Variants in SMAD2 observed in about 807,000 individuals in gnomAD.
SMAD2 encodes MAD homolog 2.
A neutral mutation model predicts 64.4 loss-of-function variants in SMAD2; 8 were observed. The ratio of observed to expected loss-of-function variants is 0.12; its 90% confidence interval spans 0.07 to 0.22. The LOEUF (loss-of-function observed/expected upper bound fraction) is 0.22, where lower values mean the gene tolerates loss of function less well. SMAD2 is among the 10% of genes least tolerant of loss of function. The pLI is 1.00. For synonymous variants in SMAD2, 203 were observed against 195.8 expected (o/e 1.04, Z -0.31); for missense variants, 289 against 561.2 (o/e 0.51, Z 4.90).
At chr18:47,890,646 T>G (rs745833935) in intron 2 of SMAD2, among the ~76,000 whole-genome samples, 2 of 152,234 alleles carry the variant, frequency 1.3e-5, no homozygotes, top group Non-Finnish European at 2.9e-5. Context: ...TACAGTCATA[T>G]TCCCTAGGAT....
chr18:47,836,059 T>G lies in SMAD2; in HGVS notation c.*5768A>C, dbSNP rs1029127043. ...ATGGATCTCATGGCACCAAACCAAC[T>G]GGCACTGAAGTTAAGTTAATATACT... On this transcript the variant is annotated 3_prime_UTR_variant, in exon 11 of 11. Transcript: ENST00000262160. The G allele has an allele frequency of 3.7e-5, 8 of 214,972 alleles. No homozygotes were observed. The highest frequency in any genetic ancestry group is 5.6e-5 in the Non-Finnish European group (6 of 106,564). 13.3% of individuals were successfully genotyped at this position (214,972 alleles called of 1,614,324 possible).
In SMAD2 at chr18:47,833,276, T is replaced by C. The variant is rs79264936; in HGVS notation, c.*8551A>G. On this transcript the variant is annotated 3_prime_UTR_variant, in exon 11 of 11. Transcript: ENST00000262160. Reference sequence around the variant, plus strand: ...AAATCACAGGACATGTAAGCAATGTTTTCTTAAGCAGAACTTTTTTTGTAC... The same window carrying C: ...AAATCACAGGACATGTAAGCAATGTCTTCTTAAGCAGAACTTTTTTTGTAC... 262 of 216,558 alleles carry C rather than the reference T, an allele frequency of 1.2e-3. No homozygotes were observed. The highest frequency in any genetic ancestry group is 5.7e-3 in the African/African-American group (254 of 44,534). 13.4% of individuals were successfully genotyped at this position (216,558 alleles called of 1,614,324 possible). A position where few individuals can be genotyped will look rare whatever the true frequency, so the allele number is the denominator to read the frequency against.
chr18:47,885,378 G>A (rs1462347195), intron 2 of SMAD2, among the ~76,000 whole-genome samples: 1 of 152,072 alleles, frequency 6.6e-6, no homozygotes, highest in African/African-American at 2.4e-5. Context: ...ATGTTGGCCA[G>A]GCTGGTCTCG....
intron 7 of SMAD2, among the ~76,000 whole-genome samples, chr18:47,850,450 A>ATT (rs1915204495): frequency 4.2e-5 from 1 of 23,538 alleles, no homozygotes; most frequent in African/African-American, 1.8e-4. Flanking sequence ...TATAATATAT[A>ATT]TTATATATTA....
rs1044632559 is a variant in SMAD2, at chr18:47,906,623, C to A, written c.-53-9814G>T. 2.6e-5 allele frequency among the ~76,000 whole-genome samples: 4 copies of A among 152,210 alleles called. No homozygotes were observed. In the East Asian group the frequency reaches 7.7e-4, roughly 29 times the overall value. Reference sequence around the variant, plus strand: ...TACTACTGCTGCTGTAACAAATAATCGCAATCACAGCACAAATTTAGCAAA... The same window carrying A: ...TACTACTGCTGCTGTAACAAATAATAGCAATCACAGCACAAATTTAGCAAA... On this transcript the variant is annotated intron_variant, in intron 1 of 10. Transcript: ENST00000262160.
intron 6 of SMAD2, among the ~76,000 whole-genome samples, chr18:47,856,676 C>A (rs1474578145): frequency 6.6e-6 from 1 of 152,114 alleles, no homozygotes; most frequent in African/African-American, 2.4e-5. Context: ...AGAACAGGAA[C>A]TCTAGAATCT....
chr18:47,896,016 C>T (rs968568667), intron 2 of SMAD2, among the ~76,000 whole-genome samples: 1 of 152,210 alleles, frequency 6.6e-6, no homozygotes, highest in African/African-American at 2.4e-5. Context: ...TCCTCCTAAC[C>T]TAAGAGGCAG....
At chr18:47,914,001 G>T (rs1352515272) in intron 1 of SMAD2, among the ~76,000 whole-genome samples, 1 of 152,160 alleles carries the variant, frequency 6.6e-6, no homozygotes, top group Non-Finnish European at 1.5e-5. Flanking sequence ...TTACTCACCG[G>T]AAAGTTTCAA....
chr18:47,844,637 T>A (rs566666273), intron 10 of SMAD2, among the ~76,000 whole-genome samples: 1 of 152,336 alleles, frequency 6.6e-6, no homozygotes, highest in South Asian at 2.1e-4. Flanking sequence ...CCACTTATAA[T>A]GTAACCTTGG....
Position 47,810,091 on chromosome 18 carries a change from G to C in SMAD2, c.*31736C>G, listed in dbSNP as rs1912153850. ...GCCATCCTGCCTGCCTAGACGAGCT[G>C]ATCTGAGTACAATCACAGAGGAGCA... On this transcript the variant is annotated 3_prime_UTR_variant, in exon 11 of 11. Transcript: ENST00000262160. 1 of 152,176 alleles carries C rather than the reference G, an allele frequency of 6.6e-6. No homozygotes were observed. The highest frequency in any genetic ancestry group is 1.5e-5 in the Non-Finnish European group (1 of 68,050). 9.4% of individuals were successfully genotyped at this position (152,176 alleles called of 1,614,324 possible).
In SMAD2 at chr18:47,829,715, A is replaced by G. The variant is rs182093506; in HGVS notation, c.*12112T>C. 6.6e-6 allele frequency: 1 copy of G among 152,340 alleles called. No homozygotes were observed. Among genetic ancestry groups the G allele is most frequent in the East Asian group, 1.9e-4 (1 of 5,196 alleles). The allele number at this position is 152,340 out of a possible 1,614,324, so 9.4% of individuals were successfully genotyped here. ...GCAAATAAAAACTGCACCGTATGAC[A>G]TGTCACATAGAAATTGTTAGAGACT... On this transcript the variant is annotated 3_prime_UTR_variant, in exon 11 of 11. Transcript: ENST00000262160.
rs1193958318 is a variant in SMAD2, at chr18:47,821,752, TGTTTAA to T, written c.*20069_*20074del. Reference sequence around the variant, plus strand: ...TATGTTCTATCAAGATAAATTCTTGTGTTTAAGTTTTTTTTTTGCTTGGGAAAAATG... The same window carrying T: ...TATGTTCTATCAAGATAAATTCTTGTGTTTTTTTTTTGCTTGGGAAAAATG... On this transcript the variant is annotated 3_prime_UTR_variant, in exon 11 of 11. Coordinates refer to ENST00000262160, the MANE Select transcript of SMAD2 (RefSeq NM_005901.6). The T allele has an allele frequency of 1.3e-5, 2 of 152,150 alleles. No homozygotes were observed. The highest frequency in any genetic ancestry group is 4.8e-5 in the African/African-American group (2 of 41,430). 9.4% of individuals were successfully genotyped at this position (152,150 alleles called of 1,614,324 possible).
At chr18:47,847,752 A>T (rs917329676) in intron 8 of SMAD2, among the ~76,000 whole-genome samples, 13 of 150,890 alleles carry the variant, frequency 8.6e-5, no homozygotes, top group South Asian at 4.2e-4. Context: ...ATTCATGTCT[A>T]GTGTAACAGA....
chr18:47,845,685 T>C lies in SMAD2; in HGVS notation c.1113A>G (p.Ala371=), dbSNP rs746607592. The stretch of plus-strand genomic sequence containing the variant: ...TACCTGGTGGAATTTTACACACTGT[T>C]GCAGGGTGCCAGCCATATCTCTGAT... The part of the protein sequence containing the change: ...NCNQRYGWHP[A]TVCKIPPGCN... Residue 371 remains alanine (A), a synonymous_variant, in exon 9 of 11, where the codon GCA becomes GCG. Coordinates refer to ENST00000262160, the MANE Select transcript of SMAD2 (RefSeq NM_005901.6). 1.9e-6 allele frequency: 3 copies of C among 1,613,978 alleles called. No individual in the cohort carries two copies. Among genetic ancestry groups the C allele is most frequent in the South Asian group, 1.1e-5 (1 of 91,078 alleles).
intron 2 of SMAD2, among the ~76,000 whole-genome samples, chr18:47,876,244 T>C (rs771529016): frequency 2.0e-5 from 3 of 152,028 alleles, no homozygotes; most frequent in Non-Finnish European, 4.4e-5. Context: ...CTTAAAACTC[T>C]CATGTATTGA....
At chr18:47,879,110 T>G (rs1221199015) in intron 2 of SMAD2, among the ~76,000 whole-genome samples, 1 of 152,198 alleles carries the variant, frequency 6.6e-6, no homozygotes, top group Non-Finnish European at 1.5e-5. Flanking sequence ...ATGACAGAGC[T>G]AGACCCTGTC....
At chr18:47,860,442 A>T (rs1039632137) in intron 6 of SMAD2, among the ~76,000 whole-genome samples, 15 of 139,078 alleles carry the variant, frequency 1.1e-4, no homozygotes, top group East Asian at 4.0e-4. Flanking sequence ...TGGCTAATTT[A>T]AAAAAAAAAA....
chr18:47,925,734 A>G (rs1348718111), intron 1 of SMAD2, among the ~76,000 whole-genome samples: 1 of 152,216 alleles, frequency 6.6e-6, no homozygotes, highest in Non-Finnish European at 1.5e-5. Flanking sequence ...AAAAAACCTG[A>G]TTCTTAAAAA....
At chr18:47,917,105 C>G (rs951169619) in intron 1 of SMAD2, among the ~76,000 whole-genome samples, 1 of 152,242 alleles carries the variant, frequency 6.6e-6, no homozygotes, top group African/African-American at 2.4e-5. Flanking sequence ...ACTGCAACCT[C>G]TGCCTCCTGG....
Sources: gnomAD v4.1 joint callset for allele counts (sites outside exome capture counted in the v4.1 genomes callset) on GRCh38, gnomAD v4.1.1 for gene constraint, MANE v1.5 for transcripts, NCBI Gene and HGNC (gene_info 2026-07-23, HGNC 2026-07-21) for gene names.